GRID2: variants seen among roughly 807,000 people sequenced by gnomAD.
GRID2 encodes the protein glutamate ionotropic receptor delta type subunit 2, also known as glutamate receptor ionotropic, delta-2.
GRID2 carries 33 observed loss-of-function variants against 114.8 expected under a neutral mutation model. The observed-to-expected ratio is 0.29, with a 90% CI of 0.22 to 0.38. The LOEUF (loss-of-function observed/expected upper bound fraction) is 0.38. GRID2 is among the 10% of genes least tolerant of loss of function. The pLI is 1.00. For synonymous variants in GRID2, 505 were observed against 449.9 expected (o/e 1.12, Z -1.55); for missense variants, 1,184 against 1,257.7 (o/e 0.94, Z 0.89).
chr4:93,261,054 G>A (rs1402334204), intron 8 of GRID2, among the ~76,000 whole-genome samples: 1 of 151,746 alleles, frequency 6.6e-6, no homozygotes, highest in Non-Finnish European at 1.5e-5. Flanking sequence ...CCCTGGGACT[G>A]AGGGTTAGAT....
At chr4:92,930,188 G>A (rs374006786) in intron 2 of GRID2, among the ~76,000 whole-genome samples, 1 of 151,166 alleles carries the variant, frequency 6.6e-6, no homozygotes, top group Non-Finnish European at 1.5e-5. Context: ...ATTCACACCC[G>A]GATCTGTCTG....
intron 14 of GRID2, among the ~76,000 whole-genome samples, chr4:93,653,982 A>T (rs1722798306): frequency 6.6e-6 from 1 of 152,176 alleles, no homozygotes; most frequent in African/African-American, 2.4e-5. Flanking sequence ...TCCATTTTAA[A>T]TGTCAGTAAG....
intron 1 of GRID2, among the ~76,000 whole-genome samples, chr4:92,512,413 C>T (rs567065853): frequency 2.6e-4 from 40 of 151,722 alleles, no homozygotes; most frequent in African/African-American, 9.4e-4. Flanking sequence ...TATTTTAAGA[C>T]AAAAGAAATT....
At chr4:92,461,736 A>C (rs948604295) in intron 1 of GRID2, among the ~76,000 whole-genome samples, 2 of 151,998 alleles carry the variant, frequency 1.3e-5, no homozygotes, top group African/African-American at 4.8e-5. Flanking sequence ...ATGGTTACAA[A>C]TATAGCCTGT....
chr4:93,782,207 G>A (rs1228054482), intron 1 of GRID2, among the ~76,000 whole-genome samples: 1 of 151,952 alleles, frequency 6.6e-6, no homozygotes, highest in Non-Finnish European at 1.5e-5. Flanking sequence ...GGTCCTTAAG[G>A]ACCTTGGCTT....
intron 2 of GRID2, among the ~76,000 whole-genome samples, chr4:93,029,635 T>C (rs1724202430): frequency 6.6e-6 from 1 of 152,066 alleles, no homozygotes; most frequent in Non-Finnish European, 1.5e-5. Flanking sequence ...CATTTCAAGA[T>C]GAGAAAGTAG....
chr4:93,005,500 T>G (rs565909693), intron 2 of GRID2, among the ~76,000 whole-genome samples: 21 of 152,072 alleles, frequency 1.4e-4, no homozygotes, highest in Non-Finnish European at 2.8e-4. Context: ...CTTTTCAAAA[T>G]GGATACTTTC....
At chr4:93,435,109 A>C (rs1321257979) in intron 10 of GRID2, among the ~76,000 whole-genome samples, 2 of 152,144 alleles carry the variant, frequency 1.3e-5, no homozygotes, top group Middle Eastern at 3.2e-3. Flanking sequence ...TTTATTATGT[A>C]CTGACTTGTT....
chr4:92,420,594 A>C (rs1194498101), intron 1 of GRID2, among the ~76,000 whole-genome samples: 1 of 152,170 alleles, frequency 6.6e-6, no homozygotes, highest in South Asian at 2.1e-4. Context: ...CACATAATAC[A>C]TCAATACAAA....
chr4:93,140,261 C>G (rs1234606948), intron 4 of GRID2, among the ~76,000 whole-genome samples: 9 of 151,304 alleles, frequency 5.9e-5, no homozygotes, highest in Non-Finnish European at 1.3e-4. Context: ...CGGGTTCACG[C>G]CATTCTCCTG....
intron 1 of GRID2, among the ~76,000 whole-genome samples, chr4:93,803,875 G>C (rs1443066098): frequency 6.6e-6 from 1 of 152,142 alleles, no homozygotes; most frequent in African/African-American, 2.4e-5. Flanking sequence ...GCAGACAAAA[G>C]ACTTTCCTAA....
intron 2 of GRID2, among the ~76,000 whole-genome samples, chr4:92,843,881 C>G (rs1743097564): frequency 6.6e-6 from 1 of 152,144 alleles, no homozygotes; most frequent in African/African-American, 2.4e-5. Context: ...CGTAGGTCTA[C>G]TGTGCTCTTT....
intron 11 of GRID2, among the ~76,000 whole-genome samples, chr4:93,474,697 T>G (rs1315113008): frequency 1.3e-5 from 2 of 152,154 alleles, no homozygotes. Flanking sequence ...CTAAATTCTC[T>G]GACATATGTC....
chr4:92,836,638 T>A (rs939286894), intron 2 of GRID2, among the ~76,000 whole-genome samples: 7 of 152,110 alleles, frequency 4.6e-5, no homozygotes, highest in Non-Finnish European at 1.5e-5. Context: ...GGCAGAAATA[T>A]CAAGGAAAAG....
chr4:92,959,432 G>A (rs1438237904), intron 2 of GRID2, among the ~76,000 whole-genome samples: 1 of 151,128 alleles, frequency 6.6e-6, no homozygotes, highest in Non-Finnish European at 1.5e-5. Context: ...CTGTTAAGAT[G>A]TCTTCTTTGA....
At chr4:92,494,037 G>A (rs1325725333) in intron 1 of GRID2, among the ~76,000 whole-genome samples, 1 of 152,058 alleles carries the variant, frequency 6.6e-6, no homozygotes, top group Non-Finnish European at 1.5e-5. Context: ...TTACATTTTT[G>A]TTGCAGAGCC....
At chr4:92,782,326 G>A (rs953598432) in intron 2 of GRID2, among the ~76,000 whole-genome samples, 3 of 151,818 alleles carry the variant, frequency 2.0e-5, no homozygotes, top group Non-Finnish European at 2.9e-5. Context: ...TTATCTTAGC[G>A]TTTTCAGACT....
chr4:92,988,775 A>G (rs1754663491), intron 2 of GRID2, among the ~76,000 whole-genome samples: 1 of 152,234 alleles, frequency 6.6e-6, no homozygotes, highest in African/African-American at 2.4e-5. Flanking sequence ...TATGATAAAT[A>G]GCATAATTGT....
intron 8 of GRID2, among the ~76,000 whole-genome samples, chr4:93,347,320 T>C (rs1315600745): frequency 6.6e-6 from 1 of 152,172 alleles, no homozygotes; most frequent in Admixed American, 6.6e-5. Flanking sequence ...CCAGGATTAA[T>C]AATCTGATAC....
Sources: allele counts gnomAD v4.1 joint callset (sites outside exome capture counted in the v4.1 genomes callset), GRCh38; gene constraint gnomAD v4.1.1; transcripts MANE v1.5; gene names NCBI Gene and HGNC (gene_info 2026-07-23, HGNC 2026-07-21).